The following ANO4 variants were observed in gnomAD, a reference collection of about 807,000 sequenced individuals.
The protein encoded by ANO4 is anoctamin-4.
Under a neutral mutation model 141.9 loss-of-function variants are expected in ANO4, and 69 were observed. The ratio of observed to expected loss-of-function variants is 0.49; its 90% confidence interval spans 0.40 to 0.59. The LOEUF (loss-of-function observed/expected upper bound fraction) is 0.59. ANO4 is among the 20% of genes least tolerant of loss of function. The pLI, the probability that ANO4 is intolerant of heterozygous loss-of-function variation, is 0.00. For synonymous variants in ANO4, 350 were observed against 394.3 expected, an observed-to-expected ratio of 0.89 and a Z score of 1.33; for missense variants, 894 against 1,162.2, an observed-to-expected ratio of 0.77 and a Z score of 3.36.
intron 2 of ANO4, among the ~76,000 whole-genome samples, chr12:100,907,188 T>C (rs1030148767): frequency 6.6e-6 from 1 of 152,296 alleles, no homozygotes; most frequent in South Asian, 2.1e-4. Context: ...TCCCTACTTT[T>C]CCAGGCTTAT....
rs78637783 is a variant in ANO4, at chr12:100,856,535, A to G, written c.-140-45111A>G. 4.8e-3 allele frequency among the ~76,000 whole-genome samples: 738 copies of G among 152,312 alleles called. 9 individuals are homozygous for G. Among genetic ancestry groups the G allele is most frequent in the African/African-American group, 0.017 (715 of 41,582 alleles). On this transcript the variant is annotated intron_variant, in intron 1 of 27. Transcript: ENST00000392977. Reference sequence around the variant, plus strand: ...ATCAATATTTGTAAAATGGCAGGATAAGACAATGATAGAAATGAGTAAAGG... The same window carrying G: ...ATCAATATTTGTAAAATGGCAGGATGAGACAATGATAGAAATGAGTAAAGG...
At position 101,097,672 on chromosome 12, in the gene ANO4, C is replaced by G. The variant is rs1310175013; in HGVS notation, c.1872C>G (p.Ala624=). The part of the protein sequence containing the change: ...FLGRFTGHPG[A]YLRLINRWRL... ...GAAGATTTACAGGACACCCAGGTGC[C>G]TACTTGAGGCTGATAAACAGGTGGA... The change falls in exon 20 of 28, where the codon GCC becomes GCG. Residue 624 remains alanine, a synonymous_variant. Coordinates refer to ENST00000392977, the MANE Select transcript of ANO4 (RefSeq NM_001286615.2). The G allele has an allele frequency of 6.2e-7, 1 of 1,613,722 alleles. No individual in the cohort carries two copies. The highest frequency in any genetic ancestry group is 1.3e-5 in the African/African-American group (1 of 74,910).
At chr12:101,089,843 A>G (rs368075598) in intron 17 of ANO4, among the ~76,000 whole-genome samples, 3 of 152,198 alleles carry the variant, frequency 2.0e-5, no homozygotes, top group African/African-American at 7.2e-5. Context: ...TTTACAATCT[A>G]CCCATCTGAC....
intron 1 of ANO4, among the ~76,000 whole-genome samples, chr12:100,878,986 A>G (rs1408330757): frequency 6.6e-6 from 1 of 152,156 alleles, no homozygotes; most frequent in Non-Finnish European, 1.5e-5. Context: ...TATTTCTGTA[A>G]CACAAATGAG....
At chr12:100,790,154 A>G (rs907066967), upstream of ANO4, among the ~76,000 whole-genome samples, 1 of 152,198 alleles carries the variant, frequency 6.6e-6, no homozygotes, top group African/African-American at 2.4e-5. Context: ...TCTGTGGGGA[A>G]TAGCAACAGG....
intron 8 of ANO4, among the ~76,000 whole-genome samples, chr12:101,007,024 G>A (rs2045899606): frequency 6.6e-6 from 1 of 152,198 alleles, no homozygotes; most frequent in East Asian, 1.9e-4. Flanking sequence ...CTGGGGGCCT[G>A]TTTGAACCAT....
chr12:100,990,141 G>A (rs1428412702), intron 8 of ANO4, among the ~76,000 whole-genome samples: 4 of 152,066 alleles, frequency 2.6e-5, no homozygotes, highest in African/African-American at 9.7e-5. Flanking sequence ...TCACTTCAAA[G>A]GGAGGATATA....
At chr12:100,957,561 T>G (rs2043220407) in intron 5 of ANO4, among the ~76,000 whole-genome samples, 1 of 152,208 alleles carries the variant, frequency 6.6e-6, no homozygotes, top group African/African-American at 2.4e-5. Flanking sequence ...ATAATAAGCC[T>G]GCTGTTGAAT....
intron 3 of ANO4, among the ~76,000 whole-genome samples, chr12:100,747,026 G>A (rs938517060): frequency 5.9e-5 from 9 of 152,132 alleles, no homozygotes; most frequent in Non-Finnish European, 8.8e-5. Context: ...GTTGTTTTGT[G>A]CATTGTAGGA....
chr12:100,720,986 G>GT (rs773998063), intron 1 of ANO4, among the ~76,000 whole-genome samples: 10 of 152,164 alleles, frequency 6.6e-5, no homozygotes, highest in Non-Finnish European at 1.2e-4. Flanking sequence ...ATCAAATGGG[G>GT]TGAGAAGACA....
intron 3 of ANO4, among the ~76,000 whole-genome samples, chr12:100,765,840 A>G (rs2033058755): frequency 6.6e-6 from 1 of 150,758 alleles, no homozygotes; most frequent in Non-Finnish European, 1.5e-5. Context: ...TCAAGCTAAT[A>G]GATATATTAT....
At chr12:100,881,738 G>A (rs1186033887) in intron 1 of ANO4, among the ~76,000 whole-genome samples, 1 of 152,176 alleles carries the variant, frequency 6.6e-6, no homozygotes, top group African/African-American at 2.4e-5. Context: ...TACTTGTAGA[G>A]TTTTTATAAT....
At chr12:100,866,975 AG>A (rs1418953660) in intron 1 of ANO4, among the ~76,000 whole-genome samples, 5 of 152,214 alleles carry the variant, frequency 3.3e-5, no homozygotes, top group African/African-American at 7.2e-5. Context: ...CCTTTGCTCT[AG>A]ACACTAACAA....
At chr12:101,034,891 T>C (rs900899716) in intron 9 of ANO4, among the ~76,000 whole-genome samples, 2 of 152,158 alleles carry the variant, frequency 1.3e-5, no homozygotes, top group Non-Finnish European at 2.9e-5. Context: ...GTGGCTAAAA[T>C]TTAAAAGACT....
At chr12:101,038,014 C>G (rs558634356) in intron 10 of ANO4, among the ~76,000 whole-genome samples, 4 of 151,834 alleles carry the variant, frequency 2.6e-5, no homozygotes, top group Admixed American at 2.6e-4. Context: ...CCAAAACATA[C>G]TTTTTTTTGG....
chr12:101,051,568 A>G (rs1208988712), intron 14 of ANO4, among the ~76,000 whole-genome samples: 1 of 152,234 alleles, frequency 6.6e-6, no homozygotes, highest in Non-Finnish European at 1.5e-5. Context: ...AGTCAACAAT[A>G]TTAACAGTTA....
At chr12:100,887,386 C>G (rs2039887596) in intron 1 of ANO4, among the ~76,000 whole-genome samples, 3 of 152,158 alleles carry the variant, frequency 2.0e-5, no homozygotes, top group Admixed American at 2.0e-4. Context: ...TTTTTGTTGA[C>G]TGCCTAGGGT....
chr12:100,778,004 C>T (rs1177100584), intron 3 of ANO4, among the ~76,000 whole-genome samples: 2 of 151,386 alleles, frequency 1.3e-5, no homozygotes, highest in African/African-American at 2.4e-5. Context: ...ACTGCAAGCT[C>T]CGCCTCCCGG....
In ANO4 at chr12:100,923,550, G is replaced by C. The variant is rs565206353; in HGVS notation, c.160+1220G>C. Among the ~76,000 whole-genome samples the C allele has an allele frequency of 3.0e-4, 46 of 152,234 alleles. 1 individual carries two copies. In the South Asian group the frequency reaches 8.7e-3, roughly 29 times the overall value. On this transcript the variant is annotated intron_variant, in intron 3 of 27. Coordinates refer to ENST00000392977, the MANE Select transcript of ANO4 (RefSeq NM_001286615.2). ...CCAGTCTATCATTGATGGACATTTG[G>C]GTTGGTTCCAAGTCTTTGCTATTGT... is the stretch of plus-strand genomic sequence containing the variant.
Sources: gnomAD v4.1 joint callset for allele counts (sites outside exome capture counted in the v4.1 genomes callset) on GRCh38, gnomAD v4.1.1 for gene constraint, MANE v1.5 for transcripts, NCBI Gene and HGNC (gene_info 2026-07-23, HGNC 2026-07-21) for gene names.